SERPINA5: variants seen among roughly 807,000 people sequenced by gnomAD.
SERPINA5 encodes the protein serpin family A member 5.
Under a neutral mutation model 25.3 loss-of-function variants are expected in SERPINA5, and 25 were observed. That is an observed-to-expected ratio of 0.99 (90% CI 0.72 to 1.38). SERPINA5 has a LOEUF of 1.38. Among genes scored for constraint, SERPINA5 ranks in the 40% most tolerant of loss-of-function variants. The probability of loss-of-function intolerance (pLI) is 0.00; values close to 1 mark genes in which losing one functional copy is unlikely to be tolerated. For missense variants in SERPINA5, 599 were observed against 509.5 expected, an observed-to-expected ratio of 1.18 and a Z score of -1.69; for synonymous variants, 234 against 206.2, an observed-to-expected ratio of 1.14 and a Z score of -1.16.
At chr14:94,588,963 G>T (rs868694940) in intron 3 of SERPINA5, among the ~76,000 whole-genome samples, 1 of 152,130 alleles carries the variant, frequency 6.6e-6, no homozygotes, top group Non-Finnish European at 1.5e-5. Context: ...CCACCTTGGG[G>T]GTTAGGTTTC....
At chr14:94,588,026 C>T in intron 3 of SERPINA5, 45 bp downstream of exon 3, 12 of 1,572,046 alleles carry the variant, frequency 7.6e-6, no homozygotes, top group Non-Finnish European at 1.0e-5. Context: ...GGCTTTTCTG[C>T]TGCTTTTATC....
At position 94,590,875 on chromosome 14, in the gene SERPINA5, C is replaced by G. The variant is rs1885254920; in HGVS notation, c.1017C>G (p.His339Gln). The part of the protein sequence containing the change: ...SHADLSGISN[H>Q]SNIQVSEMVH... ...CTGATCTGTCCGGCATCAGCAACCACTCAAATATCCAGGTGTCTGAGGTGG... is the reference window on the plus strand; with the variant it reads ...CTGATCTGTCCGGCATCAGCAACCAGTCAAATATCCAGGTGTCTGAGGTGG... The change falls in exon 5 of 6, where the codon CAC (histidine) becomes CAG (glutamine). Residue 339 changes from histidine (H) to glutamine (Q), a missense_variant. Physicochemically the swap from His to Gln is conservative, Grantham distance 24 (BLOSUM62 0). Transcript: ENST00000329597. 1 of 1,612,306 alleles carries G rather than the reference C, an allele frequency of 6.2e-7. No homozygotes were observed. The highest frequency in any genetic ancestry group is 8.5e-7 in the Non-Finnish European group (1 of 1,178,942).
Position 94,592,340 on chromosome 14 carries a change from T to C in SERPINA5, c.*101T>C. On this transcript the variant is annotated 3_prime_UTR_variant, in exon 6 of 6. Transcript: ENST00000329597. The stretch of plus-strand genomic sequence containing the variant: ...TGGTAGCTAGTGATTTACACAGGTT[T>C]AGTTGACTAATGAGGCATTACAAAT... The C allele has an allele frequency of 8.7e-7, 1 of 1,155,698 alleles. No homozygotes were observed. The highest frequency in any genetic ancestry group is 1.2e-6 in the Non-Finnish European group (1 of 811,626). 71.6% of individuals were successfully genotyped at this position (1,155,698 alleles called of 1,614,324 possible). A position where few individuals can be genotyped will look rare whatever the true frequency, so the allele number is the denominator to read the frequency against.
In SERPINA5 at chr14:94,592,245, G is replaced by A; in HGVS notation, c.*6G>A. 1.9e-6 allele frequency: 3 copies of A among 1,608,884 alleles called. No homozygotes were observed. Among genetic ancestry groups the A allele is most frequent in the Non-Finnish European group, 1.7e-6 (2 of 1,176,520 alleles). ...GCAAAGTGAACCGCCCCTGAGGTGGGGCTTCTCCTGAAATCTACAGGCCTC... is the reference window on the plus strand; with the variant it reads ...GCAAAGTGAACCGCCCCTGAGGTGGAGCTTCTCCTGAAATCTACAGGCCTC... On this transcript the variant is annotated 3_prime_UTR_variant, in exon 6 of 6. Coordinates refer to ENST00000329597, the MANE Select transcript of SERPINA5 (RefSeq NM_000624.6).
chr14:94,592,172 A>G lies in SERPINA5; in HGVS notation c.1154A>G (p.Asn385Ser). Reference protein sequence around the residue: ...ARLNSQRLVFNRPFLMFIVDN... With the variant: ...ARLNSQRLVFSRPFLMFIVDN... ...CTGAACTCTCAGAGGCTAGTGTTCA[A>G]CAGGCCCTTTCTGATGTTCATTGTG... is the stretch of plus-strand genomic sequence containing the variant. Residue 385 changes from asparagine to serine, a missense_variant, in exon 6 of 6, where the codon AAC (asparagine) becomes AGC (serine). Coordinates refer to ENST00000329597, the MANE Select transcript of SERPINA5 (RefSeq NM_000624.6). 2 of 1,614,204 alleles carry G rather than the reference A, an allele frequency of 1.2e-6. No homozygotes were observed. Among genetic ancestry groups the G allele is most frequent in the Non-Finnish European group, 1.7e-6 (2 of 1,180,038 alleles).
chr14:94,585,364 T>C lies in SERPINA5; in HGVS notation c.-17-1982T>C, dbSNP rs781706640. Among the ~76,000 whole-genome samples the C allele has an allele frequency of 3.4e-4, 51 of 152,066 alleles. 1 individual carries two copies. The highest frequency in any genetic ancestry group is 9.8e-4 in the Admixed American group (15 of 15,270). ...GGCAGAAACTTCTACATGAGGCTCC[T>C]TCTCGGAAGGAGCTCAGGACACAAT... On this transcript the variant is annotated intron_variant, in intron 2 of 5. Coordinates refer to ENST00000329597, the MANE Select transcript of SERPINA5 (RefSeq NM_000624.6).
chr14:94,582,290 C>A (rs1884941561), intron 2 of SERPINA5: 2 of 152,218 alleles, frequency 1.3e-5, no homozygotes, highest in African/African-American at 4.8e-5. Context: ...AGTGTCCTTG[C>A]TCATAGATCA....
At chr14:94,590,958 T>C in intron 5 of SERPINA5, 62 bp downstream of exon 5, 4 of 1,504,168 alleles carry the variant, frequency 2.7e-6, no homozygotes, top group South Asian at 1.3e-5. Context: ...TTCTTTCTAT[T>C]CTACTCTACC....
At chr14:94,588,339 C>A (rs1308017868) in intron 3 of SERPINA5, among the ~76,000 whole-genome samples, 4 of 152,170 alleles carry the variant, frequency 2.6e-5, no homozygotes, top group African/African-American at 7.2e-5. Flanking sequence ...AGGACACAGA[C>A]CCCAGAAGGG....
At chr14:94,586,626 C>T (rs2069966) in intron 2 of SERPINA5, among the ~76,000 whole-genome samples, 124,462 of 152,184 alleles carry the variant, frequency 0.82, 51,236 homozygotes, top group East Asian at 0.92. Context: ...AGGACTTCAG[C>T]ATATGCATTT....
At position 94,590,697 on chromosome 14, in the gene SERPINA5, C is replaced by T. The variant is rs945881625; in HGVS notation, c.891-52C>T. 47 of 1,573,244 alleles carry T rather than the reference C, an allele frequency of 3.0e-5. No individual in the cohort carries two copies. In the South Asian group the frequency reaches 3.8e-4, roughly 13 times the overall value. On this transcript the variant is annotated intron_variant, in intron 4 of 5. Coordinates refer to ENST00000329597, the MANE Select transcript of SERPINA5 (RefSeq NM_000624.6). ...CATTATGAATCCAAGGGGTGAGGCT[C>T]AGTGTGCCAATGCCCCAGAACAGTC...
intron 2 of SERPINA5, chr14:94,581,923 G>A (rs1344220646): frequency 6.6e-6 from 1 of 152,186 alleles, no homozygotes; most frequent in Non-Finnish European, 1.5e-5. Flanking sequence ...CTGTTCAAAA[G>A]GTCAACAGGA....
Position 94,587,675 on chromosome 14 carries a change from A to G in SERPINA5, c.313A>G (p.Lys105Glu), listed in dbSNP as rs6119. ...CCTCAACCTCCAGAAAAGCTCAGAG[A>G]AGGAGCTGCACAGAGGCTTTCAGCA... is the stretch of plus-strand genomic sequence containing the variant. ...LGLNLQKSSE[K>E]ELHRGFQQLL... Residue 105 changes from lysine (K) to glutamate (E), a missense_variant, in exon 3 of 6, where the codon AAG becomes GAG. Transcript: ENST00000329597. The G allele has an allele frequency of 0.13, 202,328 of 1,613,840 alleles. 20,432 individuals carry two copies. Among genetic ancestry groups the G allele is most frequent in the African/African-American group, 0.54 (40,808 of 74,956 alleles).
At chr14:94,590,392 A>T (rs940184675) in intron 4 of SERPINA5, 81 bp downstream of exon 4, 1 of 1,464,922 alleles carries the variant, frequency 6.8e-7, no homozygotes, top group Non-Finnish European at 9.1e-7. Context: ...GCCACACAGC[A>T]CTGGTGGGAA....
intron 2 of SERPINA5, among the ~76,000 whole-genome samples, chr14:94,583,668 A>C (rs1487927097): frequency 6.6e-6 from 1 of 152,226 alleles, no homozygotes; most frequent in African/African-American, 2.4e-5. Flanking sequence ...GTGGTGGGCC[A>C]GCGGGAAGAC....
chr14:94,583,660 G>C (rs1380679247), intron 2 of SERPINA5, among the ~76,000 whole-genome samples: 1 of 152,212 alleles, frequency 6.6e-6, no homozygotes, highest in Non-Finnish European at 1.5e-5. Context: ...CGGGGATGGT[G>C]GTGGGCCAGC....
intron 3 of SERPINA5, 115 bp from the exon 4 acceptor site, chr14:94,589,926 C>A: frequency 2.0e-6 from 2 of 995,302 alleles, no homozygotes; most frequent in Non-Finnish European, 2.9e-6. Flanking sequence ...CTGGGGCTGC[C>A]ATAAAGATGG....
chr14:94,585,957 G>A (rs1885069318), intron 2 of SERPINA5, among the ~76,000 whole-genome samples: 2 of 152,116 alleles, frequency 1.3e-5, no homozygotes, highest in Non-Finnish European at 2.9e-5. Flanking sequence ...TTACAGTTAT[G>A]GAGCAGTGGC....
chr14:94,586,557 A>T (rs1301077209), intron 2 of SERPINA5, among the ~76,000 whole-genome samples: 1 of 152,164 alleles, frequency 6.6e-6, no homozygotes, highest in Non-Finnish European at 1.5e-5. Context: ...ATTCTAACTC[A>T]GTCCCCTCTT....
Sources: allele counts gnomAD v4.1 joint callset (sites outside exome capture counted in the v4.1 genomes callset), GRCh38; gene constraint gnomAD v4.1.1; transcripts MANE v1.5; gene names NCBI Gene and HGNC (gene_info 2026-07-23, HGNC 2026-07-21).